Variants in ORC5 observed in about 807,000 individuals in gnomAD.
The protein encoded by ORC5 is protein phosphatase 1, regulatory subunit 117.
Under a neutral mutation model 58.8 loss-of-function variants are expected in ORC5, and 39 were observed. That is an observed-to-expected ratio of 0.66 (90% CI 0.51 to 0.87). The LOEUF is 0.87. Among genes scored for constraint, ORC5 ranks in the 40% least tolerant of loss-of-function variants. The pLI, the probability that ORC5 is intolerant of heterozygous loss-of-function variation, is 0.00. For synonymous variants in ORC5, 218 were observed against 177.6 expected (o/e 1.23, Z -1.81); for missense variants, 493 against 506.3 (o/e 0.97, Z 0.25).
chr7:104,157,762 TGTAAGGTACCAATA>T (rs1562810834), intron 12 of ORC5, among the ~76,000 whole-genome samples: 1 of 152,100 alleles, frequency 6.6e-6, no homozygotes, highest in African/African-American at 2.4e-5. Context: ...AAGAACAATA[TGTAAGGTACCAATA>T]GTAAGGTGTG....
At position 104,161,137 on chromosome 7, in the gene ORC5, A is replaced by C. The variant is rs979853389; in HGVS notation, c.1084T>G (p.Leu362Val). The change falls in exon 12 of 14, where the codon TTA becomes GTA. Residue 362 changes from leucine (L) to valine (V), a missense_variant. Physicochemically the swap from Leu to Val is conservative, Grantham distance 32. This residue lies in a region of ORC5 where 4 missense variants were observed against 16.6 expected (regional missense o/e 0.24). Coordinates refer to ENST00000297431, the MANE Select transcript of ORC5 (RefSeq NM_002553.4). ...ACGATACTATATAATATTGCTAATAATCTGTCTAGTGGAAATGGTTTTGGC... is the reference window on the plus strand; with the variant it reads ...ACGATACTATATAATATTGCTAATACTCTGTCTAGTGGAAATGGTTTTGGC... The part of the protein sequence containing the change: ...LGPKPFPLDR[L>V]LAILYSIVDS... 4 of 1,611,256 alleles carry C rather than the reference A, an allele frequency of 2.5e-6. No homozygotes were observed. In the African/African-American group the frequency reaches 4.0e-5, roughly 16 times the overall value.
At chr7:104,163,337 C>T (rs781368984) in intron 11 of ORC5, among the ~76,000 whole-genome samples, 1 of 152,210 alleles carries the variant, frequency 6.6e-6, no homozygotes, top group Non-Finnish European at 1.5e-5. Flanking sequence ...AGTCTTTCAC[C>T]TTCTTTCCCT....
intron 1 of ORC5, among the ~76,000 whole-genome samples, chr7:104,206,530 T>G (rs1360674366): frequency 6.6e-6 from 1 of 152,198 alleles, no homozygotes; most frequent in Non-Finnish European, 1.5e-5. Context: ...AATGCTCCAG[T>G]AATAATATAA....
At chr7:104,142,946 A>G (rs1224955226) in intron 12 of ORC5, among the ~76,000 whole-genome samples, 1 of 152,214 alleles carries the variant, frequency 6.6e-6, no homozygotes, top group Non-Finnish European at 1.5e-5. Context: ...GTGTGGAAAC[A>G]GGTAGAAATC....
chr7:104,154,856 G>A (rs1450213420), intron 12 of ORC5, among the ~76,000 whole-genome samples: 1 of 151,720 alleles, frequency 6.6e-6, no homozygotes, highest in African/African-American at 2.4e-5. Flanking sequence ...GAAGAAATAT[G>A]CCAAAATCTA....
intron 9 of ORC5, among the ~76,000 whole-genome samples, chr7:104,167,177 C>T (rs959559216): frequency 8.5e-5 from 13 of 152,142 alleles, no homozygotes; most frequent in African/African-American, 2.9e-4. Flanking sequence ...TGTTCCCCTA[C>T]CACACCAAAA....
intron 8 of ORC5, among the ~76,000 whole-genome samples, chr7:104,176,202 T>C (rs1799318507): frequency 6.6e-6 from 1 of 152,208 alleles, no homozygotes; most frequent in African/African-American, 2.4e-5. Flanking sequence ...TCTGGCACAG[T>C]TGTCCAGAAA....
chr7:104,167,786 G>A (rs370285772), intron 9 of ORC5, among the ~76,000 whole-genome samples: 1 of 152,256 alleles, frequency 6.6e-6, no homozygotes, highest in East Asian at 1.9e-4. Flanking sequence ...AGGTCAAACA[G>A]ATAGAAAGTA....
rs1244309734 is a variant in ORC5, at chr7:104,161,097, G to C, written c.1124C>G (p.Ala375Gly). The C allele has an allele frequency of 1.3e-6, 2 of 1,596,392 alleles. No individual in the cohort carries two copies. Among genetic ancestry groups the C allele is most frequent in the East Asian group, 4.5e-5 (2 of 44,690 alleles). Residue 375 changes from alanine (A) to glycine (G), a missense_variant, in exon 12 of 14, where the codon GCT becomes GGT. Ala to Gly is a moderately conservative substitution (Grantham distance 60). Around this residue, in one of 3 missense-constraint regions of ORC5, gnomAD observed 77 missense variants for 86.1 expected, o/e 0.89. Coordinates refer to ENST00000297431, the MANE Select transcript of ORC5 (RefSeq NM_002553.4). The part of the protein sequence containing the change: ...ILYSIVDSRV[A>G]PTANIFSQIT... Reference sequence around the variant, plus strand: ...CTGGGAAAAAATATTTGCTGTTGGAGCAACTCTGCTGTCCACGATACTATA... The same window carrying C: ...CTGGGAAAAAATATTTGCTGTTGGACCAACTCTGCTGTCCACGATACTATA...
intron 13 of ORC5, among the ~76,000 whole-genome samples, chr7:104,135,058 A>T (rs2299404): frequency 0.081 from 12,282 of 152,192 alleles, 646 homozygotes; most frequent in East Asian, 0.18. Flanking sequence ...AACATCCATC[A>T]CTGTGATGCT....
chr7:104,199,809 A>C (rs1799894843), intron 3 of ORC5, among the ~76,000 whole-genome samples: 1 of 152,162 alleles, frequency 6.6e-6, no homozygotes, highest in African/African-American at 2.4e-5. Flanking sequence ...GATTTGGGAG[A>C]GGCCAAGTGT....
chr7:104,192,353 C>G (rs1229561164), intron 5 of ORC5, among the ~76,000 whole-genome samples: 1 of 152,106 alleles, frequency 6.6e-6, no homozygotes, highest in Non-Finnish European at 1.5e-5. Context: ...AGCTATATGT[C>G]AATTCCCAGA....
intron 11 of ORC5, among the ~76,000 whole-genome samples, chr7:104,164,334 G>A (rs1799072412): frequency 6.6e-6 from 1 of 152,186 alleles, no homozygotes; most frequent in East Asian, 1.9e-4. Context: ...TGAGACAGGA[G>A]GATCACTTAA....
intron 8 of ORC5, among the ~76,000 whole-genome samples, chr7:104,176,478 A>G (rs1414875213): frequency 6.6e-6 from 1 of 152,172 alleles, no homozygotes; most frequent in East Asian, 1.9e-4. Context: ...ATCAGAGTCC[A>G]GTTGGAATTT....
intron 12 of ORC5, among the ~76,000 whole-genome samples, chr7:104,140,403 G>T (rs1043037295): frequency 6.6e-6 from 1 of 151,614 alleles, no homozygotes; most frequent in African/African-American, 2.4e-5. Flanking sequence ...TCACTACCTT[G>T]TAAGTAGTTC....
At chr7:104,173,826 C>T (rs914316957) in intron 8 of ORC5, among the ~76,000 whole-genome samples, 3 of 149,666 alleles carry the variant, frequency 2.0e-5, no homozygotes, top group Non-Finnish European at 4.4e-5. Flanking sequence ...AATCTGCATA[C>T]CTGGGTTTAA....
In ORC5 at chr7:104,133,833, G is replaced by A. The variant is rs899293175; in HGVS notation, c.1262+2948C>T. ...GAATACTGTGGAATCATGTCTAAGA[G>A]AAGAGAGTTTTAAGAAAGAGTAGCC... On this transcript the variant is annotated intron_variant, in intron 13 of 13. Coordinates refer to ENST00000297431, the MANE Select transcript of ORC5 (RefSeq NM_002553.4). This position sits in a 1 kb window ranked among gnomAD's most constrained non-coding sequence, Gnocchi z 4.7. Among the ~76,000 whole-genome samples the A allele has an allele frequency of 2.6e-5, 4 of 152,148 alleles. No individual in the cohort carries two copies. The South Asian group carries it at 8.3e-4, about 32-fold the overall frequency.
At chr7:104,202,884 G>C (rs780153907) in intron 2 of ORC5, among the ~76,000 whole-genome samples, 1 of 152,136 alleles carries the variant, frequency 6.6e-6, no homozygotes, top group Non-Finnish European at 1.5e-5. Context: ...AATGTGCTTG[G>C]TGCTGGGGAT....
Position 104,155,874 on chromosome 7 carries a change from TA to T in ORC5, c.1149+5197del, listed in dbSNP as rs1268181952. 8.6e-5 allele frequency among the ~76,000 whole-genome samples: 13 copies of T among 151,714 alleles called. No individual in the cohort carries two copies. The East Asian group carries it at 2.1e-3, about 25-fold the overall frequency. ...GAAACAGATAATTCGGAAATTCCCATATTTTTTTCTTTTAAGAAAAAAAGAA... is the reference window on the plus strand; with the variant it reads ...GAAACAGATAATTCGGAAATTCCCATTTTTTTTCTTTTAAGAAAAAAAGAA... On this transcript the variant is annotated intron_variant, in intron 12 of 13. Coordinates refer to ENST00000297431, the MANE Select transcript of ORC5 (RefSeq NM_002553.4).
Sources: gnomAD v4.1 joint callset for allele counts (sites outside exome capture counted in the v4.1 genomes callset) on GRCh38, gnomAD v4.1.1 for gene constraint, gnomAD v4.1.1 regional missense constraint, Gnocchi (gnomAD v3.1) non-coding constraint, MANE v1.5 for transcripts, NCBI Gene and HGNC (gene_info 2026-07-23, HGNC 2026-07-21) for gene names.